Variants in ATP7A observed in about 807,000 individuals in gnomAD.
The protein encoded by ATP7A is ATPase copper transporting alpha, also known as copper-transporting ATPase 1.
ATP7A carries 7 observed loss-of-function variants against 83.5 expected under a neutral mutation model. The observed-to-expected ratio is 0.08, with a 90% CI of 0.05 to 0.16. The LOEUF (loss-of-function observed/expected upper bound fraction) is 0.16. Ranked by LOEUF, ATP7A falls within the 10% of genes least tolerant of loss-of-function variation. ATP7A has a pLI of 1.00. For synonymous variants in ATP7A, 354 were observed against 395.2 expected (o/e 0.90, Z 1.24); for missense variants, 940 against 1,120.8 (o/e 0.84, Z 2.30).
rs782331329 is a variant in ATP7A at position 78,042,800 on chromosome X, G to A, written c.4005+12G>A. ...TGGTTTTGATAAGGGTAAGTGCCAT[G>A]GCTTGACCTTTGAGGAGTATGAGAC... On this transcript the variant is annotated intron_variant, in intron 20 of 22. Transcript: ENST00000341514. 5 of 1,206,709 alleles carry A rather than the reference G, an allele frequency of 4.1e-6. No individual in the cohort carries two copies. In the East Asian group the frequency reaches 1.5e-4, roughly 36 times the overall value.
At position 77,931,624 on chromosome X, in the gene ATP7A, C is replaced by T. The variant is rs1229272753; in HGVS notation, c.-22+20789C>T. 1.3e-4 allele frequency among the ~76,000 whole-genome samples: 14 copies of T among 107,009 alleles called. No individual in the cohort carries two copies. In the East Asian group the frequency reaches 1.9e-3, roughly 14 times the overall value. 92.9% of individuals were successfully genotyped at this position (107,009 alleles called of 115,157 possible). The stretch of plus-strand genomic sequence containing the variant: ...GGCGCCCCTCACCTCCCGGACGGGG[C>T]GGCTGGCCGGGCGGGGGGCTGACCC... On this transcript the variant is annotated intron_variant, in intron 1 of 22. Transcript: ENST00000341514.
At chrX:77,930,591 C>T (rs1475828994) in intron 1 of ATP7A, among the ~76,000 whole-genome samples, 1 of 111,858 alleles carries the variant, frequency 8.9e-6, no homozygotes, top group Non-Finnish European at 1.9e-5. Flanking sequence ...AAGGCATGGG[C>T]TCTAGAGTTA....
intron 2 of ATP7A, among the ~76,000 whole-genome samples, chrX:77,986,493 G>A (rs1421142830): frequency 9.0e-6 from 1 of 110,723 alleles, no homozygotes; most frequent in Non-Finnish European, 1.9e-5. Context: ...AAATCAATAG[G>A]TCCAGCACTG....
chrX:78,030,678 TTTTC>T (rs1249826000), intron 15 of ATP7A, among the ~76,000 whole-genome samples: 4 of 108,527 alleles, frequency 3.7e-5, no homozygotes, highest in African/African-American at 1.0e-4. Flanking sequence ...TTTATTTTTC[TTTTC>T]TTTCTTTCTT....
chrX:78,032,228 T>A (rs782063161), intron 16 of ATP7A, among the ~76,000 whole-genome samples: 1 of 111,967 alleles, frequency 8.9e-6, no homozygotes, highest in East Asian at 2.8e-4. Flanking sequence ...TTTTAATGGC[T>A]GTATTATACT....
chrX:77,942,220 A>G (rs1380768460), intron 1 of ATP7A, among the ~76,000 whole-genome samples: 1 of 112,310 alleles, frequency 8.9e-6, no homozygotes, highest in Non-Finnish European at 1.9e-5. Context: ...ATTATCTTCT[A>G]ATATCAAAAT....
chrX:78,018,107 A>G (rs1424242849), intron 12 of ATP7A, among the ~76,000 whole-genome samples: 1 of 108,662 alleles, frequency 9.2e-6, no homozygotes, highest in African/African-American at 3.3e-5. Context: ...GCATAGCATG[A>G]GGGACCTTTA....
intron 2 of ATP7A, among the ~76,000 whole-genome samples, chrX:77,976,516 C>T (rs1263646976): frequency 8.9e-6 from 1 of 111,777 alleles, no homozygotes; most frequent in Non-Finnish European, 1.9e-5. Flanking sequence ...CCCATCATTA[C>T]TCTCTATGAA....
rs1334755535 is a variant in ATP7A, at chrX:77,931,636, C to T, written c.-22+20801C>T. On this transcript the variant is annotated intron_variant, in intron 1 of 22. Coordinates refer to ENST00000341514, the MANE Select transcript of ATP7A (RefSeq NM_000052.7). ...CTCCCGGACGGGGCGGCTGGCCGGG[C>T]GGGGGGCTGACCCGCCCACCTCCCT... Among the ~76,000 whole-genome samples the T allele has an allele frequency of 3.9e-3, 387 of 98,122 alleles. 3 individuals are homozygous for T. Among genetic ancestry groups the T allele is most frequent in the African/African-American group, 0.014 (369 of 26,294 alleles). 85.2% of individuals were successfully genotyped at this position (98,122 alleles called of 115,157 possible).
At chrX:77,947,243 G>T (rs1247390506) in intron 1 of ATP7A, among the ~76,000 whole-genome samples, 2 of 110,899 alleles carry the variant, frequency 1.8e-5, no homozygotes, top group African/African-American at 6.6e-5. Context: ...TAGTACCGTG[G>T]TTACCAGGGT....
chrX:77,972,123 A>T (rs184412702), intron 2 of ATP7A, among the ~76,000 whole-genome samples: 1 of 111,211 alleles, frequency 9.0e-6, no homozygotes, highest in Non-Finnish European at 1.9e-5. Flanking sequence ...CTTTTATAAC[A>T]TGGTGATTAT....
Position 78,040,742 on chromosome X carries a change from TA to T in ATP7A, c.3801+10del, listed in dbSNP as rs2078042219. The T allele has an allele frequency of 8.3e-7, 1 of 1,205,967 alleles. No individual in the cohort carries two copies. Among genetic ancestry groups the T allele is most frequent in the African/African-American group, 1.8e-5 (1 of 57,065 alleles). On this transcript the variant is annotated intron_variant, in intron 19 of 22. Coordinates refer to ENST00000341514, the MANE Select transcript of ATP7A (RefSeq NM_000052.7). Reference sequence around the variant, plus strand: ...GATCTATTGCTTCTCAGGTAATTGATAGGGGTATGTGATAACTTCTAATTAT... The same window carrying T: ...GATCTATTGCTTCTCAGGTAATTGATGGGGTATGTGATAACTTCTAATTAT...
chrX:77,912,090 T>C (rs1377607003), intron 1 of ATP7A, among the ~76,000 whole-genome samples: 1 of 112,552 alleles, frequency 8.9e-6, no homozygotes, highest in Non-Finnish European at 1.9e-5. Context: ...TGGTTATTTT[T>C]GAACTGGCAT....
At chrX:77,998,414 C>G in intron 4 of ATP7A, 64 bp from the exon 5 acceptor site, 4 of 1,087,497 alleles carry the variant, frequency 3.7e-6, no homozygotes, top group Non-Finnish European at 5.1e-6. Flanking sequence ...GATTGTGATG[C>G]AAGGCAAGGA....
chrX:77,940,044 G>A (rs2077343047), intron 1 of ATP7A, among the ~76,000 whole-genome samples: 1 of 110,432 alleles, frequency 9.1e-6, no homozygotes, highest in Admixed American at 9.6e-5. Flanking sequence ...AGGTTCATAT[G>A]AAAGAGTAAA....
intron 1 of ATP7A, among the ~76,000 whole-genome samples, chrX:77,914,985 A>C (rs967774250): frequency 7.2e-5 from 8 of 111,029 alleles, no homozygotes; most frequent in African/African-American, 2.6e-4. Context: ...GTATTGCGAT[A>C]TATTGTTTTG....
In ATP7A at chrX:77,961,101, AAAC is replaced by A. The variant is rs1158005477; in HGVS notation, c.-21-10517_-21-10515del. ...CAATTTAAGTAGAGTTTTGAAAAAA[AAAC>A]AATGCAGGTGAATTACGAAAGCGAA... On this transcript the variant is annotated intron_variant, in intron 1 of 22. Transcript: ENST00000341514. 2.7e-5 allele frequency among the ~76,000 whole-genome samples: 3 copies of A among 112,201 alleles called. No individual in the cohort carries two copies. In the East Asian group the frequency reaches 8.3e-4, roughly 31 times the overall value.
At chrX:77,958,117 A>T (rs782278202) in intron 1 of ATP7A, among the ~76,000 whole-genome samples, 1 of 110,523 alleles carries the variant, frequency 9.0e-6, no homozygotes, top group South Asian at 3.9e-4. Flanking sequence ...TCTTACAGGA[A>T]GGAGAAATCT....
chrX:77,943,714 C>G (rs5913626), intron 1 of ATP7A, among the ~76,000 whole-genome samples: 4,245 of 111,879 alleles, frequency 0.038, 119 homozygotes, highest in African/African-American at 0.1. Flanking sequence ...AGCTTGTATT[C>G]TTCTAGACCC....
Sources: allele counts gnomAD v4.1 joint callset (sites outside exome capture counted in the v4.1 genomes callset), GRCh38; gene constraint gnomAD v4.1.1; transcripts MANE v1.5; gene names NCBI Gene and HGNC (gene_info 2026-07-23, HGNC 2026-07-21).